NELL1: variants seen among roughly 807,000 people sequenced by gnomAD.
NELL1 encodes protein kinase C-binding protein NELL1.
Under a neutral mutation model 107.4 loss-of-function variants are expected in NELL1, and 76 were observed. The observed-to-expected ratio is 0.71, with a 90% CI of 0.59 to 0.86. The LOEUF (loss-of-function observed/expected upper bound fraction) is 0.86. Among genes scored for constraint, NELL1 ranks in the 40% least tolerant of loss-of-function variants. The probability of loss-of-function intolerance (pLI) is 0.00; values close to 1 mark genes in which losing one functional copy is unlikely to be tolerated. For missense variants in NELL1, 1,024 were observed against 1,005.5 expected (o/e 1.02, Z -0.25); for synonymous variants, 353 against 341.2 (o/e 1.03, Z -0.38).
intron 14 of NELL1, among the ~76,000 whole-genome samples, chr11:21,327,403 T>C (rs1850171153): frequency 6.6e-6 from 1 of 152,140 alleles, no homozygotes; most frequent in African/African-American, 2.4e-5. Context: ...GCACTTCTTA[T>C]TGCTGCTGCC....
chr11:21,098,834 C>T (rs1028700807), intron 12 of NELL1, among the ~76,000 whole-genome samples: 1 of 151,974 alleles, frequency 6.6e-6, no homozygotes, highest in Non-Finnish European at 1.5e-5. Context: ...GTCTGCCTCT[C>T]GTGTATGTGT....
chr11:21,216,624 G>A (rs184494709), intron 13 of NELL1, among the ~76,000 whole-genome samples: 144 of 152,260 alleles, frequency 9.5e-4, no homozygotes, highest in African/African-American at 3.0e-3. Context: ...GGAACTTAAA[G>A]GTTTTAATGA....
intron 2 of NELL1, among the ~76,000 whole-genome samples, chr11:20,678,432 G>A (rs1456179654): frequency 6.6e-6 from 1 of 152,190 alleles, no homozygotes; most frequent in African/African-American, 2.4e-5. Context: ...CTTTCATCTA[G>A]TGGATAGGCC....
chr11:20,732,540 T>C (rs966516856), intron 2 of NELL1, among the ~76,000 whole-genome samples: 4 of 152,196 alleles, frequency 2.6e-5, no homozygotes, highest in Admixed American at 2.6e-4. Flanking sequence ...TGAGTGCTGT[T>C]GGAGGTCTGA....
At chr11:21,147,161 T>G (rs1357395702) in intron 13 of NELL1, among the ~76,000 whole-genome samples, 2 of 152,178 alleles carry the variant, frequency 1.3e-5, no homozygotes, top group African/African-American at 2.4e-5. Flanking sequence ...AGAGTGATAG[T>G]AGTTCCGTGG....
chr11:21,088,257 A>G (rs1854444482), intron 12 of NELL1, among the ~76,000 whole-genome samples: 2 of 152,194 alleles, frequency 1.3e-5, no homozygotes, highest in Non-Finnish European at 2.9e-5. Context: ...GGGCAAAATA[A>G]TAATCGTGAT....
At chr11:20,970,052 T>TGTCC (rs749864089) in intron 12 of NELL1, among the ~76,000 whole-genome samples, 3,288 of 137,832 alleles carry the variant, frequency 0.024, 122 homozygotes, top group African/African-American at 0.078. Context: ...TCTATCTCTC[T>TGTCC]GTCCATCCAT....
intron 14 of NELL1, among the ~76,000 whole-genome samples, chr11:21,325,746 A>C (rs545903726): frequency 6.6e-6 from 1 of 152,048 alleles, no homozygotes; most frequent in Admixed American, 6.6e-5. Flanking sequence ...AATTATTACT[A>C]TTATCTCAGA....
chr11:21,228,094 A>G (rs769595297), intron 13 of NELL1, among the ~76,000 whole-genome samples: 1 of 152,144 alleles, frequency 6.6e-6, no homozygotes, highest in Non-Finnish European at 1.5e-5. Context: ...ATAACTATTT[A>G]TGATTTGAAT....
At chr11:20,824,785 C>T (rs574878728) in intron 3 of NELL1, among the ~76,000 whole-genome samples, 1 of 151,424 alleles carries the variant, frequency 6.6e-6, no homozygotes, top group South Asian at 2.1e-4. Context: ...GAAGAAATTT[C>T]TAAGCAGCAA....
intron 14 of NELL1, among the ~76,000 whole-genome samples, chr11:21,362,201 C>T (rs1282912193): frequency 6.6e-6 from 1 of 152,200 alleles, no homozygotes; most frequent in African/African-American, 2.4e-5. Flanking sequence ...TGATATAATG[C>T]TCTCCCACTT....
chr11:21,134,691 G>A (rs973564919), intron 13 of NELL1, among the ~76,000 whole-genome samples: 1 of 152,168 alleles, frequency 6.6e-6, no homozygotes, highest in African/African-American at 2.4e-5. Context: ...AGTTGGCATG[G>A]GTAGAGGAAG....
chr11:21,363,316 G>A (rs902790685), intron 14 of NELL1, among the ~76,000 whole-genome samples: 17 of 152,234 alleles, frequency 1.1e-4, no homozygotes, highest in Non-Finnish European at 2.2e-4. Context: ...AATTTCTTGC[G>A]ACTCCCTAAA....
intron 15 of NELL1, among the ~76,000 whole-genome samples, chr11:21,394,619 G>A (rs1324890306): frequency 6.6e-6 from 1 of 151,376 alleles, no homozygotes; most frequent in Admixed American, 6.6e-5. Context: ...ATTATCTTAA[G>A]GAGGTGTGTA....
intron 13 of NELL1, among the ~76,000 whole-genome samples, chr11:21,139,291 C>G (rs577767104): frequency 1.1e-4 from 17 of 152,328 alleles, no homozygotes; most frequent in Non-Finnish European, 2.4e-4. Context: ...AATTCAGTCT[C>G]TAGTTATCCA....
chr11:21,083,848 A>G (rs1403209694), intron 12 of NELL1, among the ~76,000 whole-genome samples: 2 of 152,340 alleles, frequency 1.3e-5, no homozygotes, highest in Middle Eastern at 3.4e-3. Flanking sequence ...TGTCTTGCCA[A>G]TGACAAAATG....
chr11:21,200,660 G>C (rs1030041792), intron 13 of NELL1, among the ~76,000 whole-genome samples: 1 of 152,124 alleles, frequency 6.6e-6, no homozygotes, highest in Non-Finnish European at 1.5e-5. Context: ...TGTCAACTTT[G>C]GCTTTTGTTG....
chr11:20,683,185 T>G (rs1854230000), intron 2 of NELL1, among the ~76,000 whole-genome samples: 1 of 152,112 alleles, frequency 6.6e-6, no homozygotes, highest in Non-Finnish European at 1.5e-5. Context: ...GCTATAACTC[T>G]TTGTTTTGCT....
chr11:21,456,834 A>G (rs1171596979), intron 15 of NELL1, among the ~76,000 whole-genome samples: 3 of 152,230 alleles, frequency 2.0e-5, no homozygotes, highest in African/African-American at 7.2e-5. Context: ...ACAGAGATGA[A>G]CAACTATTTT....
Sources: gnomAD v4.1 joint callset for allele counts (sites outside exome capture counted in the v4.1 genomes callset) on GRCh38, gnomAD v4.1.1 for gene constraint, MANE v1.5 for transcripts, NCBI Gene and HGNC (gene_info 2026-07-23, HGNC 2026-07-21) for gene names.